Variants in ERCC6L2 observed in about 807,000 individuals in gnomAD.
ERCC6L2 encodes the protein ERCC excision repair 6 like 2.
ERCC6L2 carries 77 observed loss-of-function variants against 132.0 expected under a neutral mutation model. The observed-to-expected ratio is 0.58, with a 90% CI of 0.49 to 0.71. The LOEUF is 0.71. Ranked by LOEUF, ERCC6L2 falls within the 30% of genes least tolerant of loss-of-function variation. ERCC6L2 has a pLI of 0.00. For synonymous variants in ERCC6L2, 583 were observed against 632.4 expected, an observed-to-expected ratio of 0.92 and a Z score of 1.17; for missense variants, 1,542 against 1,837.6, an observed-to-expected ratio of 0.84 and a Z score of 2.94.
chr9:95,918,314 A>G (rs914318505), intron 6 of ERCC6L2: 7 of 400,368 alleles, frequency 1.7e-5, no homozygotes, highest in African/African-American at 1.0e-4. Flanking sequence ...AGTCTTGAAG[A>G]TGCAAAAAAG....
intron 18 of ERCC6L2, among the ~76,000 whole-genome samples, chr9:96,011,778 G>A (rs1453811661): frequency 6.6e-6 from 1 of 151,936 alleles, no homozygotes; most frequent in Non-Finnish European, 1.5e-5. Context: ...AGAGGGAAGG[G>A]AAAAAAATGT....
At chr9:95,906,338 G>A (rs1418008282) in intron 3 of ERCC6L2, among the ~76,000 whole-genome samples, 1 of 152,040 alleles carries the variant, frequency 6.6e-6, no homozygotes, top group Admixed American at 6.6e-5. Flanking sequence ...TAGGTGATGT[G>A]GTTCATTAAA....
intron 19 of ERCC6L2, among the ~76,000 whole-genome samples, chr9:96,029,303 CAAAAAAA>C (rs201014094): frequency 2.3e-4 from 19 of 81,798 alleles, no homozygotes; most frequent in Non-Finnish European, 4.5e-4. Context: ...GACTCCGTCT[CAAAAAAA>C]AAAAAAAAAA....
chr9:95,996,579 A>G (rs902773625), intron 17 of ERCC6L2, among the ~76,000 whole-genome samples: 1 of 152,246 alleles, frequency 6.6e-6, no homozygotes, highest in Non-Finnish European at 1.5e-5. Context: ...GTTAGGGACT[A>G]GTGCAGCTGG....
intron 4 of ERCC6L2, among the ~76,000 whole-genome samples, chr9:95,907,857 C>CACACAAACACA: frequency 7.5e-6 from 1 of 133,740 alleles, no homozygotes; most frequent in Non-Finnish European, 1.6e-5. Flanking sequence ...ACACACACAC[C>CACACAAACACA]CCCACACCCA....
At chr9:95,955,854 A>G in intron 12 of ERCC6L2, 60 bp from the exon 13 acceptor site, 1 of 874,882 alleles carries the variant, frequency 1.1e-6, no homozygotes, top group Non-Finnish European at 1.8e-6. Context: ...TCCCCAAGTT[A>G]CCTCTTCAAC....
intron 8 of ERCC6L2, 127 bp from the exon 9 acceptor site, chr9:95,923,133 A>C (rs536798983): frequency 1.8e-6 from 2 of 1,128,698 alleles, no homozygotes; most frequent in Admixed American, 5.2e-5. Flanking sequence ...AGTCTGACTT[A>C]GGGAAGCAAA....
At chr9:96,035,467 T>C (rs951473875) in intron 19 of ERCC6L2, among the ~76,000 whole-genome samples, 2 of 151,972 alleles carry the variant, frequency 1.3e-5, no homozygotes, top group East Asian at 1.9e-4. Context: ...GTTAGAATGG[T>C]CAGCCAAAGA....
At chr9:95,932,155 C>G (rs1349604808) in intron 11 of ERCC6L2, among the ~76,000 whole-genome samples, 1 of 151,830 alleles carries the variant, frequency 6.6e-6, no homozygotes, top group African/African-American at 2.4e-5. Flanking sequence ...ACCTCCGCCT[C>G]CCGGATTTCA....
chr9:95,891,955 T>C (rs1376858520), intron 2 of ERCC6L2, among the ~76,000 whole-genome samples: 9 of 152,168 alleles, frequency 5.9e-5, no homozygotes, highest in Non-Finnish European at 1.5e-5. Flanking sequence ...CCTCATCAGA[T>C]ATATGATTTG....
intron 16 of ERCC6L2, among the ~76,000 whole-genome samples, chr9:95,975,954 G>GT (rs1477577943): frequency 6.6e-6 from 1 of 151,950 alleles, no homozygotes; most frequent in African/African-American, 2.4e-5. Context: ...GTTGATTCAT[G>GT]TCTTTTTCTG....
rs557406836 is a variant in ERCC6L2, at chr9:95,946,372, T to C, written c.1847+4823T>C. On this transcript the variant is annotated intron_variant, in intron 12 of 18. Coordinates refer to ENST00000653738, the MANE Select transcript of ERCC6L2 (RefSeq NM_020207.7). Reference sequence around the variant, plus strand: ...TGAAACCCCGTCTCTAGTAAAAATATCAAAAATTAGCCAAGCGTGATGGCA... The same window carrying C: ...TGAAACCCCGTCTCTAGTAAAAATACCAAAAATTAGCCAAGCGTGATGGCA... 1.2e-4 allele frequency among the ~76,000 whole-genome samples: 18 copies of C among 151,914 alleles called. No homozygotes were observed. In the South Asian group the frequency reaches 3.7e-3, roughly 32 times the overall value.
chr9:95,945,921 G>T (rs1207890647), intron 12 of ERCC6L2, among the ~76,000 whole-genome samples: 1 of 151,826 alleles, frequency 6.6e-6, no homozygotes, highest in Non-Finnish European at 1.5e-5. Context: ...AAGTGGGGCT[G>T]GCAGAAAGGA....
intron 2 of ERCC6L2, among the ~76,000 whole-genome samples, chr9:95,894,671 C>G (rs756765970): frequency 6.7e-6 from 1 of 148,926 alleles, no homozygotes; most frequent in African/African-American, 2.5e-5. Context: ...CTTGGCTCAC[C>G]GCAACCTCCA....
Position 95,916,417 on chromosome 9 carries a change from C to A in ERCC6L2, c.1141C>A (p.Pro381Thr). ...RTKTLIKDQL[P>T]KKEDRMVYCS... ...CAAGACTCTTATCAAGGATCAGTTG[C>A]CTAAGAAGGAAGACCGGGTAAGAAC... Residue 381 changes from proline (P) to threonine (T), a missense_variant, in exon 6 of 19, where the codon CCT becomes ACT. Transcript: ENST00000653738. 1 of 1,567,294 alleles carries A rather than the reference C, an allele frequency of 6.4e-7. No individual in the cohort carries two copies. The highest frequency in any genetic ancestry group is 1.2e-5 in the South Asian group (1 of 83,702).
rs1357462496 is a variant in ERCC6L2 at position 96,012,442 on chromosome 9, G to C, written c.3892G>C (p.Asp1298His). 7.3e-7 allele frequency: 1 copy of C among 1,366,080 alleles called. No individual in the cohort carries two copies. The highest frequency in any genetic ancestry group is 9.8e-7 in the Non-Finnish European group (1 of 1,021,082). The allele number at this position is 1,366,080 out of a possible 1,614,324, so 84.6% of individuals were successfully genotyped here. A position where few individuals can be genotyped will look rare whatever the true frequency, so the allele number is the denominator to read the frequency against. The change falls in exon 19 of 19, where the codon GAT (aspartate) becomes CAT (histidine). Residue 1298 changes from aspartate (D) to histidine (H), a missense_variant. Around this residue, in one of 4 missense-constraint regions of ERCC6L2, gnomAD observed 442 missense variants for 583.4 expected, o/e 0.76. Coordinates refer to ENST00000653738, the MANE Select transcript of ERCC6L2 (RefSeq NM_020207.7). Reference protein sequence around the residue: ...KGEQRTRKKSDKRESLIKPRL... With the variant: ...KGEQRTRKKSHKRESLIKPRL... ...AGAGCAGCGCACCCGGAAGAAATCTGATAAAAGAGAATCTCTTATAAAACC... is the reference window on the plus strand; with the variant it reads ...AGAGCAGCGCACCCGGAAGAAATCTCATAAAAGAGAATCTCTTATAAAACC...
chr9:95,916,167 C>T lies in ERCC6L2; in HGVS notation c.951-60C>T, dbSNP rs577389297. 84 of 1,459,480 alleles carry T rather than the reference C, an allele frequency of 5.8e-5. No individual in the cohort carries two copies. In the African/African-American group the frequency reaches 1.0e-3, roughly 18 times the overall value. The allele number at this position is 1,459,480 out of a possible 1,614,324, so 90.4% of individuals were successfully genotyped here. A position where few individuals can be genotyped will look rare whatever the true frequency, so the allele number is the denominator to read the frequency against. ...AGTAATGTAGTATATCTCTTAGAAG[C>T]AAGAAGTTAGTGTTTTTAGATAATA... On this transcript the variant is annotated intron_variant, in intron 5 of 18. Transcript: ENST00000653738.
At chr9:95,895,561 C>T (rs892968091) in intron 2 of ERCC6L2, among the ~76,000 whole-genome samples, 1 of 151,888 alleles carries the variant, frequency 6.6e-6, no homozygotes, top group Admixed American at 6.6e-5. Flanking sequence ...GGTACACATT[C>T]TTTTATTCTT....
At chr9:96,032,918 C>G (rs1306839082) in intron 19 of ERCC6L2, among the ~76,000 whole-genome samples, 1 of 152,148 alleles carries the variant, frequency 6.6e-6, no homozygotes, top group African/African-American at 2.4e-5. Flanking sequence ...CCCATTGGAG[C>G]AGGAACCCCC....
Sources: gnomAD v4.1 joint callset for allele counts (sites outside exome capture counted in the v4.1 genomes callset) on GRCh38, gnomAD v4.1.1 for gene constraint, gnomAD v4.1.1 regional missense constraint, MANE v1.5 for transcripts, NCBI Gene and HGNC (gene_info 2026-07-23, HGNC 2026-07-21) for gene names.